Variants in NTN1 observed in about 807,000 individuals in gnomAD.
NTN1 encodes the protein netrin 1.
Under a neutral mutation model 54.2 loss-of-function variants are expected in NTN1, and 11 were observed. The ratio of observed to expected loss-of-function variants is 0.20; its 90% confidence interval spans 0.13 to 0.34. The LOEUF is 0.34. NTN1 is among the 10% of genes least tolerant of loss of function. The pLI is 1.00. For missense variants in NTN1, 740 were observed against 893.1 expected (o/e 0.83, Z 2.18); for synonymous variants, 371 against 382.0 (o/e 0.97, Z 0.33).
At chr17:9,226,165 G>GGC (rs1905537880) in intron 6 of NTN1, among the ~76,000 whole-genome samples, 1 of 144,282 alleles carries the variant, frequency 6.9e-6, no homozygotes, top group African/African-American at 2.5e-5. Flanking sequence ...TTGGGGTCGG[G>GGC]GGGGGGCCTC....
chr17:9,022,600 G>A lies in NTN1; in HGVS notation c.227G>A (p.Arg76His), dbSNP rs1292862173. Residue 76 changes from arginine (R) to histidine (H), a missense_variant, in exon 2 of 7, where the codon CGC (arginine) becomes CAC (histidine). Physicochemically the swap from Arg to His is conservative, Grantham distance 29. Transcript: ENST00000173229. Reference protein sequence around the residue: ...VSSTCGRPPARYCVVSERGEE... With the variant: ...VSSTCGRPPAHYCVVSERGEE... Reference sequence around the variant, plus strand: ...AGCACCTGCGGCCGGCCCCCGGCGCGCTACTGCGTGGTGAGCGAGCGCGGC... The same window carrying A: ...AGCACCTGCGGCCGGCCCCCGGCGCACTACTGCGTGGTGAGCGAGCGCGGC... The A allele has an allele frequency of 2.6e-6, 4 of 1,546,814 alleles. No individual in the cohort carries two copies. In the African/African-American group the frequency reaches 4.1e-5, roughly 16 times the overall value.
intron 2 of NTN1, among the ~76,000 whole-genome samples, chr17:9,057,171 G>GC (rs1304416110): frequency 2.8e-5 from 2 of 71,350 alleles, no homozygotes; most frequent in African/African-American, 1.1e-4. Context: ...TCTTCTTTTT[G>GC]CCCCCCACCC....
intron 2 of NTN1, among the ~76,000 whole-genome samples, chr17:9,031,488 T>C (rs1395471534): frequency 2.0e-5 from 3 of 152,204 alleles, no homozygotes; most frequent in Non-Finnish European, 4.4e-5. Context: ...ATATAACTCC[T>C]TAGGCAGAAT....
intron 2 of NTN1, among the ~76,000 whole-genome samples, chr17:9,127,184 C>T (rs2092250344): frequency 6.6e-6 from 1 of 151,828 alleles, no homozygotes; most frequent in Non-Finnish European, 1.5e-5. Context: ...ATAAGATTGT[C>T]CCGGTTGCTC....
At chr17:9,096,523 A>C (rs1373834004) in intron 2 of NTN1, among the ~76,000 whole-genome samples, 1 of 151,526 alleles carries the variant, frequency 6.6e-6, no homozygotes, top group African/African-American at 2.4e-5. Flanking sequence ...GGTGCCCGCC[A>C]CCACACCCAA....
At chr17:9,181,108 CAG>C (rs1031694139) in intron 4 of NTN1, among the ~76,000 whole-genome samples, 33 of 152,316 alleles carry the variant, frequency 2.2e-4, no homozygotes, top group African/African-American at 7.9e-4. Flanking sequence ...GTTTCTGAAT[CAG>C]AGGCTGAAGC....
chr17:9,175,890 A>G (rs2142312002), intron 3 of NTN1: 1 of 152,198 alleles, frequency 6.6e-6, no homozygotes, highest in East Asian at 1.9e-4. Flanking sequence ...ATTGTTTCCC[A>G]TGGCCAGGTG....
At chr17:9,116,624 G>A (rs1412320254) in intron 2 of NTN1, among the ~76,000 whole-genome samples, 1 of 152,132 alleles carries the variant, frequency 6.6e-6, no homozygotes, top group African/African-American at 2.4e-5. Context: ...TGAAAACCAG[G>A]CCCAGAAAAC....
intron 5 of NTN1, among the ~76,000 whole-genome samples, chr17:9,200,955 G>C (rs1443851740): frequency 6.6e-6 from 1 of 152,184 alleles, no homozygotes; most frequent in Non-Finnish European, 1.5e-5. Flanking sequence ...TGCAGCCCAA[G>C]TGAATGAAGC....
rs1028971185 is a variant in NTN1 at position 9,227,780 on chromosome 17, CCACACACATAT to C, written c.1486+6548_1486+6558del. On this transcript the variant is annotated intron_variant, in intron 6 of 6. Coordinates refer to ENST00000173229, the MANE Select transcript of NTN1 (RefSeq NM_004822.3). The stretch of plus-strand genomic sequence containing the variant: ...CACATTTATCATACAGGCACACATA[CCACACACATAT>C]CACACACATTCACACACTATCCCAC... Among the ~76,000 whole-genome samples, 3 of 151,308 alleles carry C rather than the reference CCACACACATAT, an allele frequency of 2.0e-5. No individual in the cohort carries two copies. In the East Asian group the frequency reaches 5.8e-4, roughly 29 times the overall value.
At chr17:9,182,389 C>T (rs141890224) in intron 4 of NTN1, among the ~76,000 whole-genome samples, 3 of 152,350 alleles carry the variant, frequency 2.0e-5, no homozygotes, top group Non-Finnish European at 4.4e-5. Flanking sequence ...AATGCCTTAG[C>T]GCTTGAGATG....
At chr17:9,170,111 G>A (rs973870336) in intron 3 of NTN1, among the ~76,000 whole-genome samples, 1 of 152,138 alleles carries the variant, frequency 6.6e-6, no homozygotes, top group Non-Finnish European at 1.5e-5. Flanking sequence ...GCTTTGAAAA[G>A]CATGGAACTT....
the NTN1 span, among the ~76,000 whole-genome samples, chr17:9,015,572 C>T: frequency 6.6e-6 from 1 of 152,126 alleles, no homozygotes; most frequent in Non-Finnish European, 1.5e-5. Flanking sequence ...TGCCCCCGTT[C>T]CTGGAGTGTA....
chr17:9,104,243 T>C (rs1320757982), intron 2 of NTN1, among the ~76,000 whole-genome samples: 1 of 150,496 alleles, frequency 6.6e-6, no homozygotes, highest in Non-Finnish European at 1.5e-5. Flanking sequence ...GGGTACAGAG[T>C]TTCAATTTGG....
rs532159846 is a variant in NTN1, at chr17:9,023,716, G to T, written c.1018+325G>T. 2.0e-5 allele frequency among the ~76,000 whole-genome samples: 3 copies of T among 152,336 alleles called. No individual in the cohort carries two copies. The East Asian group carries it at 5.8e-4, about 29-fold the overall frequency. ...GCAAACATTCATTGCCTTCCCCCTC[G>T]TTGGGTTGGACGCTGGGATTCACCT... On this transcript the variant is annotated intron_variant, in intron 2 of 6. Transcript: ENST00000173229.
At position 9,061,440 on chromosome 17, in the gene NTN1, C is replaced by T. The variant is rs146894778; in HGVS notation, c.1018+38049C>T. ...GCATAGGAGGAGATGGAGCAGAGAC[C>T]GGGTATGGGCAAGGTGGTGGCCAGG... On this transcript the variant is annotated intron_variant, in intron 2 of 6. Coordinates refer to ENST00000173229, the MANE Select transcript of NTN1 (RefSeq NM_004822.3). 3.9e-5 allele frequency among the ~76,000 whole-genome samples: 6 copies of T among 152,128 alleles called. No individual in the cohort carries two copies. In the East Asian group the frequency reaches 7.7e-4, roughly 20 times the overall value.
rs71361871 is a variant in NTN1 at position 9,193,920 on chromosome 17, T to TAAAAAAAAAAAA, written c.1411+10964_1411+10975dup. Reference sequence around the variant, plus strand: ...TGGGCGACAAGAGTGAAACTCCGACTAAAAAAAAAAAAAAAAAAAAAAAAC... The same window carrying TAAAAAAAAAAAA: ...TGGGCGACAAGAGTGAAACTCCGACTAAAAAAAAAAAAAAAAAAAAAAAAAAAAAAAAAAAAC... On this transcript the variant is annotated intron_variant, in intron 5 of 6. Coordinates refer to ENST00000173229, the MANE Select transcript of NTN1 (RefSeq NM_004822.3). Among the ~76,000 whole-genome samples, 29 of 44,884 alleles carry TAAAAAAAAAAAA rather than the reference T, an allele frequency of 6.5e-4. 3 individuals carry two copies. Among genetic ancestry groups the TAAAAAAAAAAAA allele is most frequent in the African/African-American group, 2.9e-3 (27 of 9,222 alleles). The allele number at this position is 44,884 out of a possible 152,430, so 29.4% of individuals were successfully genotyped here.
Position 9,241,105 on chromosome 17 carries a change from T to G in NTN1, c.*1137T>G, listed in dbSNP as rs983933040. 1 of 152,458 alleles carries G rather than the reference T, an allele frequency of 6.6e-6. No individual in the cohort carries two copies. The highest frequency in any genetic ancestry group is 1.5e-5 in the Non-Finnish European group (1 of 68,260). The allele number at this position is 152,458 out of a possible 1,614,324, so 9.4% of individuals were successfully genotyped here. A position where few individuals can be genotyped will look rare whatever the true frequency, so the allele number is the denominator to read the frequency against. ...CCTGGCTTGGGGCCGGGGGCTTGTT[T>G]GAGCTGGGATGGGGTTTGCTGGCTC... On this transcript the variant is annotated 3_prime_UTR_variant, in exon 7 of 7. Coordinates refer to ENST00000173229, the MANE Select transcript of NTN1 (RefSeq NM_004822.3).
rs2142346643 is a variant in NTN1, at chr17:9,211,088, A to C, written c.1412-10080A>C. Reference sequence around the variant, plus strand: ...CCACCCAACATTTCTGGCACATGCTATTCTTCTAGAATAAAATCCAAACCC... The same window carrying C: ...CCACCCAACATTTCTGGCACATGCTCTTCTTCTAGAATAAAATCCAAACCC... On this transcript the variant is annotated intron_variant, in intron 5 of 6. Transcript: ENST00000173229. This position sits in a 1 kb window ranked among gnomAD's most constrained non-coding sequence, Gnocchi z 4.4. Among the ~76,000 whole-genome samples the C allele has an allele frequency of 6.6e-6, 1 of 152,282 alleles. No individual in the cohort carries two copies. Among genetic ancestry groups the C allele is most frequent in the African/African-American group, 2.4e-5 (1 of 41,546 alleles).
Sources: gnomAD v4.1 joint callset for allele counts (sites outside exome capture counted in the v4.1 genomes callset) on GRCh38, gnomAD v4.1.1 for gene constraint, Gnocchi (gnomAD v3.1) non-coding constraint, MANE v1.5 for transcripts, NCBI Gene and HGNC (gene_info 2026-07-23, HGNC 2026-07-21) for gene names.